PAN3: variants seen among roughly 807,000 people sequenced by gnomAD.
PAN3 encodes PAN2-PAN3 deadenylation complex subunit PAN3.
Under a neutral mutation model 96.2 loss-of-function variants are expected in PAN3, and 19 were observed. The observed-to-expected ratio is 0.20, with a 90% confidence interval of 0.14 to 0.29. The LOEUF (loss-of-function observed/expected upper bound fraction) is 0.29. PAN3 is among the 10% of genes least tolerant of loss of function. PAN3 has a pLI of 1.00. For synonymous variants in PAN3, 433 were observed against 406.6 expected (o/e 1.06, Z -0.78); for missense variants, 882 against 1,108.1 (o/e 0.80, Z 2.90).
intron 1 of PAN3, among the ~76,000 whole-genome samples, chr13:28,164,818 T>A (rs148791600): frequency 7.9e-4 from 120 of 152,310 alleles, no homozygotes; most frequent in African/African-American, 2.6e-3. Context: ...AAGAAGAAAA[T>A]TAAGCTGCAG....
chr13:28,256,949 C>A (rs986385440), intron 7 of PAN3, among the ~76,000 whole-genome samples: 41 of 152,124 alleles, frequency 2.7e-4, no homozygotes, highest in Non-Finnish European at 4.7e-4. Context: ...CAATGATAAA[C>A]CCTTATTTCA....
intron 13 of PAN3, 68 bp downstream of exon 13, chr13:28,270,934 C>T: frequency 1.4e-6 from 2 of 1,414,372 alleles, no homozygotes; most frequent in Non-Finnish European, 1.9e-6. Context: ...GTAAACAAAA[C>T]ATGATTGTTT....
At chr13:28,230,759 A>T (rs965052869) in intron 6 of PAN3, among the ~76,000 whole-genome samples, 3 of 148,554 alleles carry the variant, frequency 2.0e-5, no homozygotes, top group Admixed American at 1.3e-4. Context: ...GAATTTTTGT[A>T]ATTAATTTTC....
At position 28,220,221 on chromosome 13, in the gene PAN3, T is replaced by G. The variant is rs777020186; in HGVS notation, c.853-10T>G. On this transcript the variant is annotated splice_polypyrimidine_tract_variant and intron_variant, in intron 5 of 18. Transcript: ENST00000380958. ...AGTGTGTTAACTTACTATATTTGAT[T>G]TTTAAATAGACACCAAATCCTACTG... The G allele has an allele frequency of 1.2e-6, 2 of 1,610,586 alleles. No individual in the cohort carries two copies. Among genetic ancestry groups the G allele is most frequent in the South Asian group, 2.2e-5 (2 of 90,566 alleles).
At chr13:28,194,546 A>G (rs575453415) in intron 4 of PAN3, among the ~76,000 whole-genome samples, 113 of 147,806 alleles carry the variant, frequency 7.6e-4, no homozygotes, top group African/African-American at 1.7e-3. Flanking sequence ...TCTCGGCTCA[A>G]TGCAACCTCT....
intron 17 of PAN3, among the ~76,000 whole-genome samples, 177 bp downstream of exon 17, chr13:28,281,556 T>C (rs1887468501): frequency 6.6e-6 from 1 of 152,200 alleles, no homozygotes; most frequent in Non-Finnish European, 1.5e-5. Context: ...GTGGCTGTCC[T>C]TACGAATTTT....
rs1242050965 is a variant in PAN3, at chr13:28,293,928, G to T, written c.*1406G>T. 6.6e-6 allele frequency: 1 copy of T among 152,618 alleles called. No individual in the cohort carries two copies. Among genetic ancestry groups the T allele is most frequent in the East Asian group, 1.9e-4 (1 of 5,198 alleles). 9.5% of individuals were successfully genotyped at this position (152,618 alleles called of 1,614,324 possible). The stretch of plus-strand genomic sequence containing the variant: ...TGAAGAAAATGTGGAAACTCAAAAG[G>T]TCAGGACAGACTTCCAAGCACTTGC... On this transcript the variant is annotated 3_prime_UTR_variant, in exon 19 of 19. Transcript: ENST00000380958.
chr13:28,201,444 G>A (rs1878685164), intron 5 of PAN3, among the ~76,000 whole-genome samples: 2 of 152,122 alleles, frequency 1.3e-5, no homozygotes, highest in South Asian at 4.1e-4. Flanking sequence ...TACTTGGGAG[G>A]CTGAGGCAGG....
intron 6 of PAN3, among the ~76,000 whole-genome samples, chr13:28,249,000 G>A (rs1884464096): frequency 6.6e-6 from 1 of 151,938 alleles, no homozygotes; most frequent in African/African-American, 2.4e-5. Flanking sequence ...TATATGATTT[G>A]CAAATATTTT....
chr13:28,184,046 C>T (rs1876138189), intron 4 of PAN3, among the ~76,000 whole-genome samples: 1 of 152,080 alleles, frequency 6.6e-6, no homozygotes. Context: ...GGATGTCTAC[C>T]TTTTCTTTGA....
chr13:28,214,332 A>G (rs914445718), intron 5 of PAN3, among the ~76,000 whole-genome samples: 1 of 152,224 alleles, frequency 6.6e-6, no homozygotes, highest in Admixed American at 6.5e-5. Flanking sequence ...TATCTAATGG[A>G]TGAAAGGATA....
At chr13:28,257,969 C>T (rs1027573037) in intron 7 of PAN3, among the ~76,000 whole-genome samples, 1 of 151,644 alleles carries the variant, frequency 6.6e-6, no homozygotes, top group African/African-American at 2.4e-5. Flanking sequence ...CACCACCATG[C>T]CTGGCTAACT....
intron 4 of PAN3, among the ~76,000 whole-genome samples, chr13:28,178,674 A>G (rs1875370490): frequency 6.6e-6 from 1 of 152,168 alleles, no homozygotes; most frequent in African/African-American, 2.4e-5. Flanking sequence ...GAAAGACCCA[A>G]AATTTAATGA....
At chr13:28,144,303 G>A (rs1183282325) in intron 1 of PAN3, among the ~76,000 whole-genome samples, 2 of 141,550 alleles carry the variant, frequency 1.4e-5, no homozygotes, top group Non-Finnish European at 3.0e-5. Flanking sequence ...TGCGAGCTCC[G>A]CCTCCTGGGT....
In PAN3 at chr13:28,284,877, A is replaced by G. The variant is rs139872212; in HGVS notation, c.2385-3107A>G. Among the ~76,000 whole-genome samples, 538 of 152,322 alleles carry G rather than the reference A, an allele frequency of 3.5e-3. 2 individuals are homozygous for G. The highest frequency in any genetic ancestry group is 0.011 in the African/African-American group (460 of 41,580). On this transcript the variant is annotated intron_variant, in intron 17 of 18. Coordinates refer to ENST00000380958, the MANE Select transcript of PAN3 (RefSeq NM_175854.8). ...AGCTTCTTTAGTTAAAAAAAAATCA[A>G]TAAACCTGATGGTTTCTTCATAGGG...
Position 28,225,848 on chromosome 13 carries a change from C to G in PAN3, c.1000+5470C>G, listed in dbSNP as rs1283001279. 2.6e-5 allele frequency among the ~76,000 whole-genome samples: 4 copies of G among 152,278 alleles called. No individual in the cohort carries two copies. The East Asian group carries it at 7.7e-4, about 29-fold the overall frequency. On this transcript the variant is annotated intron_variant, in intron 6 of 18. Coordinates refer to ENST00000380958, the MANE Select transcript of PAN3 (RefSeq NM_175854.8). ...ATAACTGATTTATTTGTAAGACAGA[C>G]AAGGTGGCGTCAGGCAACCGGGGAG...
At chr13:28,182,323 G>T (rs1425431294) in intron 4 of PAN3, among the ~76,000 whole-genome samples, 1 of 152,094 alleles carries the variant, frequency 6.6e-6, no homozygotes, top group African/African-American at 2.4e-5. Flanking sequence ...ATCTTTCTGG[G>T]CTATTGCCCT....
chr13:28,195,135 T>C (rs1566176268), intron 4 of PAN3, among the ~76,000 whole-genome samples: 1 of 152,166 alleles, frequency 6.6e-6, no homozygotes. Flanking sequence ...GTTAGGCTGA[T>C]GTGGTGGCTC....
chr13:28,280,761 A>G (rs1351416930), intron 16 of PAN3, among the ~76,000 whole-genome samples: 2 of 151,590 alleles, frequency 1.3e-5, no homozygotes, highest in Admixed American at 1.3e-4. Context: ...GGGTTTCACC[A>G]TGTTGGCCAG....
Sources: gnomAD v4.1 joint callset for allele counts (sites outside exome capture counted in the v4.1 genomes callset) on GRCh38, gnomAD v4.1.1 for gene constraint, MANE v1.5 for transcripts, NCBI Gene and HGNC (gene_info 2026-07-23, HGNC 2026-07-21) for gene names.